Variants in OSBP2 observed in about 807,000 individuals in gnomAD.
OSBP2 encodes oxysterol-binding protein 2.
In OSBP2, 66 loss-of-function variants were observed where a neutral mutation model predicts 96.0. That is an observed-to-expected ratio of 0.69 (90% confidence interval 0.56 to 0.84). The LOEUF (loss-of-function observed/expected upper bound fraction) is 0.84. Ranked by LOEUF, OSBP2 falls within the 40% of genes least tolerant of loss-of-function variation. OSBP2 has a pLI of 0.00. For missense variants in OSBP2, 1,038 were observed against 1,222.7 expected, an observed-to-expected ratio of 0.85 and a Z score of 2.25; for synonymous variants, 525 against 520.9, an observed-to-expected ratio of 1.01 and a Z score of -0.11.
At chr22:30,708,667 T>C (rs2089295453) in intron 1 of OSBP2, among the ~76,000 whole-genome samples, 1 of 150,962 alleles carries the variant, frequency 6.6e-6, no homozygotes, top group South Asian at 2.1e-4. Context: ...TTTTTAATTT[T>C]TGTAGAGACG....
intron 2 of OSBP2, among the ~76,000 whole-genome samples, chr22:30,849,268 C>CA (rs1216698895): frequency 6.6e-6 from 1 of 151,504 alleles, no homozygotes; most frequent in African/African-American, 2.4e-5. Flanking sequence ...GACCCTATCT[C>CA]AAAAAAAGAA....
chr22:30,827,187 C>G (rs1308323939), intron 2 of OSBP2, among the ~76,000 whole-genome samples: 1 of 152,078 alleles, frequency 6.6e-6, no homozygotes, highest in Non-Finnish European at 1.5e-5. Flanking sequence ...TGGGTTGCAT[C>G]AGAAAGGACA....
At chr22:30,749,520 G>C (rs1323772402) in intron 2 of OSBP2, among the ~76,000 whole-genome samples, 1 of 152,182 alleles carries the variant, frequency 6.6e-6, no homozygotes, top group Admixed American at 6.5e-5. Flanking sequence ...CATTTGGCCG[G>C]AGAAAGGAAG....
intron 2 of OSBP2, among the ~76,000 whole-genome samples, chr22:30,775,818 C>T (rs1486408056): frequency 6.6e-6 from 1 of 151,256 alleles, no homozygotes; most frequent in East Asian, 1.9e-4. Flanking sequence ...TTTTCTGAGA[C>T]AGTGTCTTGC....
At chr22:30,884,677 C>T (rs778081678) in intron 3 of OSBP2, among the ~76,000 whole-genome samples, 7 of 152,074 alleles carry the variant, frequency 4.6e-5, no homozygotes, top group Non-Finnish European at 7.4e-5. Flanking sequence ...CACGAGAGCT[C>T]GGGCTCTCCC....
chr22:30,829,507 G>T (rs2038478616), intron 2 of OSBP2, among the ~76,000 whole-genome samples: 1 of 152,120 alleles, frequency 6.6e-6, no homozygotes, highest in African/African-American at 2.4e-5. Context: ...TGGCCAGACT[G>T]GTCTTGAACT....
Position 30,826,607 on chromosome 22 carries a change from G to A in OSBP2, c.854-43822G>A, listed in dbSNP as rs542038623. ...TGATGCAAGTCTCACCCTCCTAGAG[G>A]CTGTAAGCTACCAGAGATGGAGGCT... On this transcript the variant is annotated intron_variant, in intron 2 of 13. Transcript: ENST00000332585. 2.2e-4 allele frequency among the ~76,000 whole-genome samples: 33 copies of A among 152,272 alleles called. No individual in the cohort carries two copies. The South Asian group carries it at 5.2e-3, about 24-fold the overall frequency.
At chr22:30,770,186 G>A (rs140739354) in intron 2 of OSBP2, among the ~76,000 whole-genome samples, 3 of 146,270 alleles carry the variant, frequency 2.1e-5, no homozygotes, top group African/African-American at 5.1e-5. Flanking sequence ...TGCAACCTCC[G>A]CCTCCCAGGT....
chr22:30,790,326 A>G (rs757986990), intron 2 of OSBP2, among the ~76,000 whole-genome samples: 10 of 152,124 alleles, frequency 6.6e-5, no homozygotes, highest in Non-Finnish European at 1.3e-4. Context: ...GAAAGCATAG[A>G]AAAGATTTGA....
chr22:30,835,756 T>A (rs2147016843), intron 2 of OSBP2, among the ~76,000 whole-genome samples: 1 of 151,904 alleles, frequency 6.6e-6, no homozygotes, highest in African/African-American at 2.4e-5. Context: ...AAGTCTCATT[T>A]TGTTGCCTGG....
chr22:30,822,804 G>C (rs1294619072), intron 2 of OSBP2: 1 of 1,066,156 alleles, frequency 9.4e-7, no homozygotes, highest in Non-Finnish European at 1.3e-6. Context: ...ATCCACGGGA[G>C]CCTCTGATGT....
chr22:30,741,451 G>A, intron 2 of OSBP2, 82 bp downstream of exon 2: 1 of 1,210,858 alleles, frequency 8.3e-7, no homozygotes, highest in South Asian at 1.4e-5. Flanking sequence ...CCACTGGTGG[G>A]CAGTGGTGGC....
At chr22:30,720,556 C>T (rs926428830) in intron 1 of OSBP2, among the ~76,000 whole-genome samples, 1 of 152,176 alleles carries the variant, frequency 6.6e-6, no homozygotes, top group Non-Finnish European at 1.5e-5. Context: ...GAAATGCACA[C>T]TCAATATCCT....
chr22:30,856,165 G>A (rs545050562), intron 2 of OSBP2, among the ~76,000 whole-genome samples: 3 of 152,288 alleles, frequency 2.0e-5, no homozygotes, highest in South Asian at 4.2e-4. Flanking sequence ...CCTGCTCTGA[G>A]ATAAGGATCT....
intron 3 of OSBP2, among the ~76,000 whole-genome samples, chr22:30,884,857 G>A (rs2039776877): frequency 6.6e-6 from 1 of 152,236 alleles, no homozygotes; most frequent in Non-Finnish European, 1.5e-5. Context: ...TCTGGGAGCA[G>A]CTGCTGATTC....
chr22:30,893,525 A>G lies in OSBP2; in HGVS notation c.2053A>G (p.Thr685Ala), dbSNP rs1189597149. 4 of 1,614,160 alleles carry G rather than the reference A, an allele frequency of 2.5e-6. No individual in the cohort carries two copies. The Admixed American group carries it at 5.0e-5, about 20-fold the overall frequency. ...NHYVWRKSTS[T>A]VHNIIVGKLW... ...CTACGTGTGGAGGAAGAGCACCTCA[A>G]CTGTTCACAACATCATCGTGGGCAA... The change falls in exon 10 of 14, where the codon ACT (threonine) becomes GCT (alanine). Residue 685 changes from threonine to alanine, a missense_variant. Physicochemically the swap from Thr to Ala is moderately conservative, Grantham distance 58. Around this residue, in one of 3 missense-constraint regions of OSBP2, gnomAD observed 737 missense variants for 913.3 expected, o/e 0.81. Transcript: ENST00000332585.
At chr22:30,726,855 C>T (rs889306012) in intron 1 of OSBP2, among the ~76,000 whole-genome samples, 1 of 152,164 alleles carries the variant, frequency 6.6e-6, no homozygotes, top group Non-Finnish European at 1.5e-5. Flanking sequence ...GTGACAGCCT[C>T]ATCTCCGAAA....
chr22:30,898,664 GA>G (rs987951021), intron 12 of OSBP2, among the ~76,000 whole-genome samples: 2 of 152,032 alleles, frequency 1.3e-5, no homozygotes, highest in African/African-American at 2.4e-5. Context: ...TAGCATGGGG[GA>G]AACCACCCCC....
chr22:30,740,137 G>A (rs767430204), intron 1 of OSBP2, among the ~76,000 whole-genome samples: 42 of 152,138 alleles, frequency 2.8e-4, no homozygotes, highest in Non-Finnish European at 4.4e-4. Context: ...GAGCCACCGC[G>A]CCTGGCCAAG....
Sources: gnomAD v4.1 joint callset for allele counts (sites outside exome capture counted in the v4.1 genomes callset) on GRCh38, gnomAD v4.1.1 for gene constraint, gnomAD v4.1.1 regional missense constraint, MANE v1.5 for transcripts, NCBI Gene and HGNC (gene_info 2026-07-23, HGNC 2026-07-21) for gene names.